Variants in SUGCT observed in about 807,000 individuals in gnomAD.
The protein encoded by SUGCT is succinyl-CoA:glutarate CoA-transferase.
A neutral mutation model predicts 55.0 loss-of-function variants in SUGCT; 41 were observed. The ratio of observed to expected loss-of-function variants is 0.74; its 90% confidence interval spans 0.58 to 0.97. The LOEUF is 0.97. SUGCT is among the 50% of genes least tolerant of loss of function. The pLI, the probability that SUGCT is intolerant of heterozygous loss-of-function variation, is 0.00. For missense variants in SUGCT, 568 were observed against 547.8 expected (o/e 1.04, Z -0.37); for synonymous variants, 187 against 200.4 (o/e 0.93, Z 0.56).
At chr7:40,741,911 A>G (rs1170177191) in intron 12 of SUGCT, among the ~76,000 whole-genome samples, 1 of 152,208 alleles carries the variant, frequency 6.6e-6, no homozygotes, top group Non-Finnish European at 1.5e-5. Context: ...ACACTGATAC[A>G]AGTAGAAAAA....
Position 40,149,881 on chromosome 7 carries a change from C to T in SUGCT, c.100+14761C>T, listed in dbSNP as rs1357093428. ...TTGCAGTGAGCTGAGATCGCGCCATCGCACTCCAGCCTGGGCAACAAGAGC... is the reference window on the plus strand; with the variant it reads ...TTGCAGTGAGCTGAGATCGCGCCATTGCACTCCAGCCTGGGCAACAAGAGC... On this transcript the variant is annotated intron_variant, in intron 1 of 13. Coordinates refer to ENST00000335693, the MANE Select transcript of SUGCT (RefSeq NM_001193313.2). 2.0e-5 allele frequency among the ~76,000 whole-genome samples: 3 copies of T among 151,964 alleles called. 1 individual carries two copies. Among genetic ancestry groups the T allele is most frequent in the South Asian group, 4.1e-4 (2 of 4,822 alleles).
At position 40,590,028 on chromosome 7, in the gene SUGCT, G is replaced by A. The variant is rs182220782; in HGVS notation, c.1089+93642G>A. Among the ~76,000 whole-genome samples the A allele has an allele frequency of 2.0e-5, 3 of 152,132 alleles. No individual in the cohort carries two copies. In the East Asian group the frequency reaches 5.8e-4, roughly 29 times the overall value. ...ACATATGCTCACTTTGTGTCTCTGT[G>A]TCACGTTTTGGTATTTCTCCCAATA... On this transcript the variant is annotated intron_variant, in intron 12 of 13. Coordinates refer to ENST00000335693, the MANE Select transcript of SUGCT (RefSeq NM_001193313.2).
At chr7:40,361,155 A>G (rs1236372930) in intron 9 of SUGCT, among the ~76,000 whole-genome samples, 1 of 151,990 alleles carries the variant, frequency 6.6e-6, no homozygotes, top group Non-Finnish European at 1.5e-5. Context: ...TTACCTATAG[A>G]CTGATTTTTC....
chr7:40,445,478 T>G (rs899148946), intron 9 of SUGCT, among the ~76,000 whole-genome samples: 2 of 151,864 alleles, frequency 1.3e-5, no homozygotes, highest in Non-Finnish European at 2.9e-5. Context: ...TAGACCAATA[T>G]CAGGCTCCGA....
At chr7:40,238,749 A>T (rs1481953215) in intron 7 of SUGCT, among the ~76,000 whole-genome samples, 1 of 151,804 alleles carries the variant, frequency 6.6e-6, no homozygotes, top group East Asian at 1.9e-4. Context: ...TAATTTCTGG[A>T]AATACAAAGT....
intron 9 of SUGCT, among the ~76,000 whole-genome samples, chr7:40,444,909 G>T (rs1432112029): frequency 6.6e-6 from 1 of 152,042 alleles, no homozygotes; most frequent in Non-Finnish European, 1.5e-5. Context: ...CCAATACCTC[G>T]TTTATTGAGA....
intron 8 of SUGCT, among the ~76,000 whole-genome samples, chr7:40,289,499 G>A (rs988261233): frequency 2.0e-5 from 3 of 151,994 alleles, no homozygotes; most frequent in African/African-American, 4.8e-5. Flanking sequence ...TTGATGGGAC[G>A]TATCTCAAAA....
the SUGCT span, among the ~76,000 whole-genome samples, chr7:40,951,239 A>G: frequency 6.6e-6 from 1 of 152,100 alleles, no homozygotes; most frequent in African/African-American, 2.4e-5. Flanking sequence ...TTTCTAGTTT[A>G]TTTGCGTAGA....
the SUGCT span, among the ~76,000 whole-genome samples, chr7:40,973,505 G>A: frequency 1.3e-5 from 2 of 152,076 alleles, no homozygotes; most frequent in Non-Finnish European, 2.9e-5. Flanking sequence ...GAAAATCTAG[G>A]GGAAGGGACC....
intron 8 of SUGCT, among the ~76,000 whole-genome samples, chr7:40,275,993 C>T (rs866701794): frequency 3.3e-5 from 5 of 152,220 alleles, no homozygotes; most frequent in Middle Eastern, 3.4e-3. Flanking sequence ...ATAGAGACCC[C>T]AGTTGGGAAT....
intron 11 of SUGCT, among the ~76,000 whole-genome samples, chr7:40,492,414 C>T (rs1352070423): frequency 6.6e-6 from 1 of 152,164 alleles, no homozygotes; most frequent in African/African-American, 2.4e-5. Flanking sequence ...AGCCATACAT[C>T]TCTAGTCTCA....
chr7:40,527,839 A>G (rs113948730), intron 12 of SUGCT, among the ~76,000 whole-genome samples: 1,900 of 152,318 alleles, frequency 0.012, 27 homozygotes, highest in African/African-American at 0.041. Context: ...TCTGGGAATT[A>G]TTATGCATGC....
the SUGCT span, among the ~76,000 whole-genome samples, chr7:40,881,059 A>G: frequency 1.3e-5 from 2 of 152,236 alleles, no homozygotes; most frequent in African/African-American, 4.8e-5. Context: ...CATAACTTCT[A>G]CCTTATCCCT....
At chr7:40,393,021 T>A (rs1244804020) in intron 9 of SUGCT, among the ~76,000 whole-genome samples, 1 of 152,154 alleles carries the variant, frequency 6.6e-6, no homozygotes, top group Non-Finnish European at 1.5e-5. Flanking sequence ...TTTGGTATAG[T>A]CAAATGGTGA....
chr7:40,832,833 C>G (rs564814494), intron 13 of SUGCT, among the ~76,000 whole-genome samples: 1 of 152,132 alleles, frequency 6.6e-6, no homozygotes, highest in East Asian at 1.9e-4. Context: ...CGCTACTATG[C>G]CCGGCTAATT....
intron 1 of SUGCT, among the ~76,000 whole-genome samples, chr7:40,144,240 G>A (rs1788131695): frequency 6.6e-6 from 1 of 152,032 alleles, no homozygotes; most frequent in Non-Finnish European, 1.5e-5. Context: ...GTCCCCACAG[G>A]GTATAACAAG....
intron 12 of SUGCT, among the ~76,000 whole-genome samples, chr7:40,613,524 T>C (rs998392637): frequency 2.0e-5 from 3 of 152,216 alleles, no homozygotes; most frequent in African/African-American, 7.2e-5. Flanking sequence ...AGAATTCTTT[T>C]ATTCTGGAAA....
At chr7:40,298,155 G>T (rs1386497203) in intron 8 of SUGCT, among the ~76,000 whole-genome samples, 1 of 149,566 alleles carries the variant, frequency 6.7e-6, no homozygotes, top group East Asian at 1.9e-4. Context: ...GACTAGGATA[G>T]AATTCCAAAT....
intron 1 of SUGCT, among the ~76,000 whole-genome samples, chr7:40,161,014 A>G (rs891395490): frequency 6.6e-6 from 1 of 152,160 alleles, no homozygotes; most frequent in African/African-American, 2.4e-5. Context: ...TCATAACATG[A>G]ATATGGCTAG....
Sources: allele counts gnomAD v4.1 joint callset (sites outside exome capture counted in the v4.1 genomes callset), GRCh38; gene constraint gnomAD v4.1.1; transcripts MANE v1.5; gene names NCBI Gene and HGNC (gene_info 2026-07-23, HGNC 2026-07-21).